The following SEMA5A variants were observed in gnomAD, a reference collection of about 807,000 sequenced individuals.
The protein encoded by SEMA5A is semaphorin-5A.
SEMA5A carries 55 observed loss-of-function variants against 135.5 expected under a neutral mutation model. The observed-to-expected ratio is 0.41, with a 90% CI of 0.33 to 0.51. The LOEUF is 0.51. Among genes scored for constraint, SEMA5A ranks in the 20% least tolerant of loss-of-function variants. The probability of loss-of-function intolerance (pLI) is 0.37; values close to 1 mark genes in which losing one functional copy is unlikely to be tolerated. For synonymous variants in SEMA5A, 580 were observed against 546.5 expected, an observed-to-expected ratio of 1.06 and a Z score of -0.85; for missense variants, 1,290 against 1,419.9, an observed-to-expected ratio of 0.91 and a Z score of 1.47.
At chr5:9,445,626 A>G (rs1010383096) in intron 1 of SEMA5A, among the ~76,000 whole-genome samples, 1 of 152,056 alleles carries the variant, frequency 6.6e-6, no homozygotes, top group Non-Finnish European at 1.5e-5. Flanking sequence ...CCGAGATGGC[A>G]CCACTGCACT....
At chr5:9,326,262 T>C (rs1408593843) in intron 4 of SEMA5A, among the ~76,000 whole-genome samples, 1 of 152,168 alleles carries the variant, frequency 6.6e-6, no homozygotes, top group East Asian at 1.9e-4. Context: ...GATAACAAGT[T>C]ATGTTTGAGA....
chr5:9,404,443 G>A (rs1372926586), intron 2 of SEMA5A, among the ~76,000 whole-genome samples: 1 of 152,116 alleles, frequency 6.6e-6, no homozygotes, highest in Non-Finnish European at 1.5e-5. Context: ...CTATATATAT[G>A]TTAAAGAGAA....
At chr5:9,364,685 G>A (rs950440442) in intron 3 of SEMA5A, among the ~76,000 whole-genome samples, 6 of 152,038 alleles carry the variant, frequency 3.9e-5, no homozygotes, top group Non-Finnish European at 5.9e-5. Flanking sequence ...ATTTTATAAC[G>A]TGAGTTATTT....
intron 8 of SEMA5A, among the ~76,000 whole-genome samples, chr5:9,214,045 A>G (rs1259680367): frequency 1.3e-5 from 2 of 152,226 alleles, no homozygotes; most frequent in Non-Finnish European, 2.9e-5. Flanking sequence ...GGGAAAATGG[A>G]AATTTAAACT....
intron 11 of SEMA5A, among the ~76,000 whole-genome samples, chr5:9,181,839 C>T (rs1302373564): frequency 6.6e-6 from 1 of 152,072 alleles, no homozygotes; most frequent in Non-Finnish European, 1.5e-5. Flanking sequence ...GCATGGTACT[C>T]GATTCAATCT....
chr5:9,543,949 C>T (rs1267892765), intron 1 of SEMA5A, among the ~76,000 whole-genome samples: 9 of 151,956 alleles, frequency 5.9e-5, no homozygotes, highest in Admixed American at 6.5e-5. Flanking sequence ...TTATACATAA[C>T]TTAATGGTAT....
chr5:9,231,075 CAG>C (rs1474112278), intron 6 of SEMA5A, among the ~76,000 whole-genome samples: 9 of 151,780 alleles, frequency 5.9e-5, no homozygotes, highest in African/African-American at 2.2e-4. Flanking sequence ...TCAACTGAAA[CAG>C]AATGTGAAAA....
intron 1 of SEMA5A, among the ~76,000 whole-genome samples, chr5:9,544,915 C>G (rs1191314556): frequency 6.6e-6 from 1 of 152,222 alleles, no homozygotes. Context: ...ACCCTGGGGT[C>G]TGAAACCCTG....
At chr5:9,327,294 A>C (rs1389260902) in intron 4 of SEMA5A, among the ~76,000 whole-genome samples, 1 of 152,150 alleles carries the variant, frequency 6.6e-6, no homozygotes, top group Non-Finnish European at 1.5e-5. Flanking sequence ...CAAAAATAGT[A>C]AATATGTATT....
At chr5:9,317,394 A>G (rs1458101358) in intron 5 of SEMA5A, among the ~76,000 whole-genome samples, 1 of 152,184 alleles carries the variant, frequency 6.6e-6, no homozygotes, top group Non-Finnish European at 1.5e-5. Context: ...TGAGGAACCA[A>G]TAATTCCTAG....
At chr5:9,198,822 G>GAAAAT (rs1745552331) in intron 9 of SEMA5A, among the ~76,000 whole-genome samples, 1 of 152,186 alleles carries the variant, frequency 6.6e-6, no homozygotes, top group Non-Finnish European at 1.5e-5. Context: ...GCTGGAGTAA[G>GAAAAT]AATGGCTAGA....
chr5:9,110,833 T>C (rs1306401193), intron 15 of SEMA5A, among the ~76,000 whole-genome samples: 1 of 152,160 alleles, frequency 6.6e-6, no homozygotes, highest in Non-Finnish European at 1.5e-5. Flanking sequence ...GTGGTAACTA[T>C]AGTCTCCCAG....
At chr5:9,134,298 A>G (rs961324759) in intron 13 of SEMA5A, among the ~76,000 whole-genome samples, 1 of 152,126 alleles carries the variant, frequency 6.6e-6, no homozygotes, top group Admixed American at 6.6e-5. Context: ...CGTATGCACC[A>G]TCATGCCTAA....
intron 3 of SEMA5A, among the ~76,000 whole-genome samples, chr5:9,348,527 CTT>C (rs1283412022): frequency 1.3e-5 from 2 of 152,288 alleles, no homozygotes; most frequent in South Asian, 2.1e-4. Flanking sequence ...CCATAGGAAA[CTT>C]TGCCCAGTGC....
chr5:9,163,235 G>GA (rs910737899), intron 11 of SEMA5A, among the ~76,000 whole-genome samples: 2 of 149,384 alleles, frequency 1.3e-5, no homozygotes, highest in Admixed American at 6.7e-5. Flanking sequence ...AACAGACGAT[G>GA]AAAAAAAACC....
intron 4 of SEMA5A, among the ~76,000 whole-genome samples, chr5:9,328,499 C>A (rs1431003495): frequency 6.6e-6 from 1 of 152,172 alleles, no homozygotes; most frequent in African/African-American, 2.4e-5. Flanking sequence ...AAGATTCTGG[C>A]CGGGCACAGT....
rs111812280 is a variant in SEMA5A, at chr5:9,152,254, C to T, written c.1481+2234G>A. ...GTCACCCTCCAAAAAGGTCATCCTT[C>T]ACTGAGCTGGAGTTGAAAGACTGGT... On this transcript the variant is annotated intron_variant, in intron 12 of 22. Coordinates refer to ENST00000382496, the MANE Select transcript of SEMA5A (RefSeq NM_003966.3). Among the ~76,000 whole-genome samples, 72 of 152,302 alleles carry T rather than the reference C, an allele frequency of 4.7e-4. 1 individual carries two copies. The highest frequency in any genetic ancestry group is 1.7e-3 in the African/African-American group (72 of 41,568).
chr5:9,113,352 G>C (rs1740343389), intron 15 of SEMA5A, among the ~76,000 whole-genome samples: 1 of 152,068 alleles, frequency 6.6e-6, no homozygotes, highest in South Asian at 2.1e-4. Flanking sequence ...AAATCACCTT[G>C]AACCATCCAT....
chr5:9,245,367 G>A lies in SEMA5A; in HGVS notation c.271-7477C>T, dbSNP rs116488299. 1.4e-4 allele frequency among the ~76,000 whole-genome samples: 21 copies of A among 152,198 alleles called. No homozygotes were observed. The East Asian group carries it at 2.5e-3, about 18-fold the overall frequency. ...CTGGGGGTCTTGGAACCTATCCCCC[G>A]TAGATAAGAGAGGGACTACCATATT... On this transcript the variant is annotated intron_variant, in intron 5 of 22. Transcript: ENST00000382496.
Sources: allele counts gnomAD v4.1 joint callset (sites outside exome capture counted in the v4.1 genomes callset), GRCh38; gene constraint gnomAD v4.1.1; transcripts MANE v1.5; gene names NCBI Gene and HGNC (gene_info 2026-07-23, HGNC 2026-07-21).